The following GEN1 variants were observed in gnomAD, a reference collection of about 807,000 sequenced individuals.
The protein encoded by GEN1 is flap endonuclease GEN homolog 1.
A neutral mutation model predicts 67.6 loss-of-function variants in GEN1; 64 were observed. The ratio of observed to expected loss-of-function variants is 0.95; its 90% CI spans 0.77 to 1.17. GEN1 has a LOEUF of 1.17. GEN1 is among the 50% of genes most tolerant of loss of function. The pLI, the probability that GEN1 is intolerant of heterozygous loss-of-function variation, is 0.00. For synonymous variants in GEN1, 371 were observed against 359.4 expected, an observed-to-expected ratio of 1.03 and a Z score of -0.37; for missense variants, 1,058 against 1,048.3, an observed-to-expected ratio of 1.01 and a Z score of -0.13.
rs1253130739 is a variant in GEN1, at chr2:17,784,627, G to C, written c.*2688G>C. On this transcript the variant is annotated 3_prime_UTR_variant, in exon 14 of 14. Coordinates refer to ENST00000381254, the MANE Select transcript of GEN1 (RefSeq NM_001130009.3). Reference sequence around the variant, plus strand: ...CTATTGTGTGCTAAGCATTCAACTAGATTATTTACAAACCTTGTATCATCT... The same window carrying C: ...CTATTGTGTGCTAAGCATTCAACTACATTATTTACAAACCTTGTATCATCT... The C allele has an allele frequency of 2.0e-5, 3 of 152,184 alleles. No homozygotes were observed. The highest frequency in any genetic ancestry group is 7.2e-5 in the African/African-American group (3 of 41,452). 9.4% of individuals were successfully genotyped at this position (152,184 alleles called of 1,614,324 possible). A position where few individuals can be genotyped will look rare whatever the true frequency, so the allele number is the denominator to read the frequency against.
rs1354063744 is a variant in GEN1, at chr2:17,787,329, A to G, written c.*5390A>G. 2.0e-5 allele frequency: 3 copies of G among 152,110 alleles called. No individual in the cohort carries two copies. Among genetic ancestry groups the G allele is most frequent in the African/African-American group, 4.8e-5 (2 of 41,406 alleles). 9.4% of individuals were successfully genotyped at this position (152,110 alleles called of 1,614,324 possible). ...TATCTCTCCCTCAGATAAGACTAAGATCTCTGAGCACAGGAATCAAGTCTT... is the reference window on the plus strand; with the variant it reads ...TATCTCTCCCTCAGATAAGACTAAGGTCTCTGAGCACAGGAATCAAGTCTT... On this transcript the variant is annotated 3_prime_UTR_variant, in exon 14 of 14. Transcript: ENST00000381254.
Position 17,766,673 on chromosome 2 carries a change from G to A in GEN1, c.620G>A (p.Cys207Tyr), listed in dbSNP as rs138511510. 1 of 1,584,950 alleles carries A rather than the reference G, an allele frequency of 6.3e-7. No homozygotes were observed. Reference sequence around the variant, plus strand: ...GTTGGATTAGCAATACTTCTTGGCTGTGATTATCTCCCAAAGGTAAGCTGA... The same window carrying A: ...GTTGGATTAGCAATACTTCTTGGCTATGATTATCTCCCAAAGGTAAGCTGA... ...ALVGLAILLG[C>Y]DYLPKGVPGV... The change falls in exon 5 of 14, where the codon TGT becomes TAT. Residue 207 changes from cysteine to tyrosine, a missense_variant. Physicochemically the swap from Cys to Tyr is radical, Grantham distance 194. Coordinates refer to ENST00000381254, the MANE Select transcript of GEN1 (RefSeq NM_001130009.3).
At chr2:17,757,728 A>G (rs907854321) in intron 1 of GEN1, among the ~76,000 whole-genome samples, 5 of 152,240 alleles carry the variant, frequency 3.3e-5, no homozygotes, top group Non-Finnish European at 5.9e-5. Context: ...GTAAATTTGC[A>G]GAACAGTACT....
Position 17,778,138 on chromosome 2 carries a change from G to GTA in GEN1, c.1264+90_1264+91dup, listed in dbSNP as rs10535305. 93,746 of 536,924 alleles carry GTA rather than the reference G, an allele frequency of 0.17. 5,164 individuals carry two copies. Among genetic ancestry groups the GTA allele is most frequent in the African/African-American group, 0.25 (10,606 of 42,182 alleles). 33.3% of individuals were successfully genotyped at this position (536,924 alleles called of 1,614,324 possible). ...TATGTCTAGTAAATATTGTATATGT[G>GTA]TATATATATATATATACACACACAC... On this transcript the variant is annotated intron_variant, in intron 12 of 13. Coordinates refer to ENST00000381254, the MANE Select transcript of GEN1 (RefSeq NM_001130009.3).
chr2:17,775,078 G>A lies in GEN1; in HGVS notation c.1202+677G>A, dbSNP rs115504188. ...AACAATTGCGTCATGAATTCACTTC[G>A]GATTAAATTAAGTTTTAAAACAGTC... is the stretch of plus-strand genomic sequence containing the variant. On this transcript the variant is annotated intron_variant, in intron 11 of 13. Transcript: ENST00000381254. Among the ~76,000 whole-genome samples the A allele has an allele frequency of 5.1e-3, 771 of 152,166 alleles. 3 individuals carry two copies. The highest frequency in any genetic ancestry group is 0.017 in the African/African-American group (721 of 41,522).
intron 2 of GEN1, 54 bp downstream of exon 2, chr2:17,760,158 T>G (rs888354004): frequency 6.8e-7 from 1 of 1,470,394 alleles, no homozygotes; most frequent in African/African-American, 1.4e-5. Flanking sequence ...AGTCTTGGTA[T>G]CTTGATTTTG....
chr2:17,782,019 T>C lies in GEN1; in HGVS notation c.*80T>C, dbSNP rs1205466261. 1.2e-5 allele frequency: 9 copies of C among 764,026 alleles called. No homozygotes were observed. Among genetic ancestry groups the C allele is most frequent in the Non-Finnish European group, 1.9e-5 (9 of 479,248 alleles). The allele number at this position is 764,026 out of a possible 1,614,324, so 47.3% of individuals were successfully genotyped here. ...AGACAGAGGGAAGGTATCTAGTTCA[T>C]GTGTGGTAAAAATTTTAATGTTCTC... is the stretch of plus-strand genomic sequence containing the variant. On this transcript the variant is annotated 3_prime_UTR_variant, in exon 14 of 14. Coordinates refer to ENST00000381254, the MANE Select transcript of GEN1 (RefSeq NM_001130009.3).
chr2:17,763,764 G>C (rs1313917607), intron 3 of GEN1, among the ~76,000 whole-genome samples: 1 of 152,222 alleles, frequency 6.6e-6, no homozygotes, highest in Non-Finnish European at 1.5e-5. Context: ...AAGCAACACT[G>C]TCACAAAACT....
In GEN1 at chr2:17,780,768, A is replaced by G; in HGVS notation, c.1556A>G (p.Gln519Arg). The G allele has an allele frequency of 1.2e-6, 2 of 1,614,042 alleles. No homozygotes were observed. Among genetic ancestry groups the G allele is most frequent in the South Asian group, 1.1e-5 (1 of 91,070 alleles). The change falls in exon 14 of 14, where the codon CAG becomes CGG. Residue 519 changes from glutamine (Q) to arginine (R), a missense_variant. Gln to Arg is a conservative substitution (Grantham distance 43). Transcript: ENST00000381254. ...SGISPDPTLP[Q>R]ESISASLNSL... ...ATTTCCCCTGATCCTACATTACCAC[A>G]GGAATCTATTTCTGCCTCATTGAAT... is the stretch of plus-strand genomic sequence containing the variant.
In GEN1 at chr2:17,781,939, A is replaced by T. The variant is rs762802050; in HGVS notation, c.2727A>T (p.Ter909CysextTer9). ...QRLKLRFQST[*>C] ...TAAAACTAAGATTCCAAAGCACTTG[A>T]AATTTAAAACACTTAGGTATAACTT... The change falls in exon 14 of 14, where the codon TGA becomes TGT. Residue 909 changes from the stop codon to cysteine, a stop_lost. Transcript: ENST00000381254. The T allele has an allele frequency of 1.3e-6, 2 of 1,507,214 alleles. No homozygotes were observed. Among genetic ancestry groups the T allele is most frequent in the Non-Finnish European group, 1.8e-6 (2 of 1,118,192 alleles). 93.4% of individuals were successfully genotyped at this position (1,507,214 alleles called of 1,614,324 possible). A position where few individuals can be genotyped will look rare whatever the true frequency, so the allele number is the denominator to read the frequency against.
chr2:17,788,862 A>G lies in GEN1; in HGVS notation c.*6923A>G, dbSNP rs2125196814. Reference sequence around the variant, plus strand: ...TCCCTTTGCCTTTTAGTTTTCAAGCAATACTGGTTGCAGTAACTGCTCTGA... The same window carrying G: ...TCCCTTTGCCTTTTAGTTTTCAAGCGATACTGGTTGCAGTAACTGCTCTGA... On this transcript the variant is annotated 3_prime_UTR_variant, in exon 14 of 14. Coordinates refer to ENST00000381254, the MANE Select transcript of GEN1 (RefSeq NM_001130009.3). 1 of 152,370 alleles carries G rather than the reference A, an allele frequency of 6.6e-6. No homozygotes were observed. The highest frequency in any genetic ancestry group is 6.5e-5 in the Admixed American group (1 of 15,314). The allele number at this position is 152,370 out of a possible 1,614,324, so 9.4% of individuals were successfully genotyped here. A position where few individuals can be genotyped will look rare whatever the true frequency, so the allele number is the denominator to read the frequency against.
At chr2:17,770,073 A>G (rs1313762356) in intron 6 of GEN1, among the ~76,000 whole-genome samples, 1 of 152,194 alleles carries the variant, frequency 6.6e-6, no homozygotes, top group East Asian at 1.9e-4. Context: ...GTGCCCAAGC[A>G]AGAAAGGAAA....
rs757479569 is a variant in GEN1 at position 17,781,783 on chromosome 2, T to C, written c.2571T>C (p.Tyr857=). Reference sequence around the variant, plus strand: ...AAACTGAACAGTGTGTCAGATCTTATGAAACAGCTGAAAATGAAGAAAGCT... The same window carrying C: ...AAACTGAACAGTGTGTCAGATCTTACGAAACAGCTGAAAATGAAGAAAGCT... ...IKETEQCVRS[Y]ETAENEESCF... The change falls in exon 14 of 14, where the codon TAT becomes TAC. Residue 857 remains tyrosine (Y), a synonymous_variant. Coordinates refer to ENST00000381254, the MANE Select transcript of GEN1 (RefSeq NM_001130009.3). The C allele has an allele frequency of 1.2e-5, 19 of 1,612,654 alleles. No individual in the cohort carries two copies. In the African/African-American group the frequency reaches 1.3e-4, roughly 11 times the overall value.
Position 17,782,053 on chromosome 2 carries a change from G to C in GEN1, c.*114G>C, listed in dbSNP as rs1672868545. 3.5e-6 allele frequency: 2 copies of C among 577,952 alleles called. No homozygotes were observed. Among genetic ancestry groups the C allele is most frequent in the Non-Finnish European group, 5.9e-6 (2 of 337,066 alleles). The allele number at this position is 577,952 out of a possible 1,614,324, so 35.8% of individuals were successfully genotyped here. On this transcript the variant is annotated 3_prime_UTR_variant, in exon 14 of 14. Transcript: ENST00000381254. ...AAAATTTTAATGTTCTCTGTGTCAT[G>C]AAACACTTGCCATTTTAATCAAAGT...
chr2:17,765,240 C>A, intron 4 of GEN1, 167 bp downstream of exon 4: 2 of 590,726 alleles, frequency 3.4e-6, no homozygotes, highest in East Asian at 6.2e-5. Context: ...ATAGTTCATT[C>A]TCTTCAAAAT....
rs555030823 is a variant in GEN1, at chr2:17,775,225, A to G, written c.1202+824A>G. Among the ~76,000 whole-genome samples, 9 of 152,250 alleles carry G rather than the reference A, an allele frequency of 5.9e-5. No homozygotes were observed. In the South Asian group the frequency reaches 1.7e-3, roughly 28 times the overall value. ...AAATTATAAAAATGTGTGTAAATGGATGGATATAAAAAGTGAACTATTAGC... is the reference window on the plus strand; with the variant it reads ...AAATTATAAAAATGTGTGTAAATGGGTGGATATAAAAAGTGAACTATTAGC... On this transcript the variant is annotated intron_variant, in intron 11 of 13. Coordinates refer to ENST00000381254, the MANE Select transcript of GEN1 (RefSeq NM_001130009.3).
At chr2:17,766,419 C>T (rs572579029) in intron 4 of GEN1, among the ~76,000 whole-genome samples, 160 bp from the exon 5 acceptor site, 1 of 152,326 alleles carries the variant, frequency 6.6e-6, no homozygotes, top group Non-Finnish European at 1.5e-5. Context: ...ATACACCCAC[C>T]TTGGCCTCTC....
intron 10 of GEN1, 123 bp downstream of exon 10, chr2:17,773,422 T>C (rs1672285690): frequency 6.5e-6 from 4 of 617,206 alleles, no homozygotes; most frequent in Non-Finnish European, 1.1e-5. Context: ...TTATATTTTT[T>C]CAGCATTTAT....
At chr2:17,768,544 T>C (rs1454656403) in intron 5 of GEN1, among the ~76,000 whole-genome samples, 194 bp from the exon 6 acceptor site, 2 of 152,242 alleles carry the variant, frequency 1.3e-5, no homozygotes, top group Non-Finnish European at 2.9e-5. Flanking sequence ...GTCATTTACT[T>C]TACAAATCCT....
Sources: gnomAD v4.1 joint callset for allele counts (sites outside exome capture counted in the v4.1 genomes callset) on GRCh38, gnomAD v4.1.1 for gene constraint, MANE v1.5 for transcripts, NCBI Gene and HGNC (gene_info 2026-07-23, HGNC 2026-07-21) for gene names.